PPP2R2C: variants seen among roughly 807,000 people sequenced by gnomAD.
PPP2R2C encodes protein phosphatase 2 regulatory subunit Bgamma, also known as protein phosphatase 2, regulatory subunit B, gamma.
PPP2R2C carries 10 observed loss-of-function variants against 45.3 expected under a neutral mutation model. The ratio of observed to expected loss-of-function variants is 0.22; its 90% CI spans 0.14 to 0.37. The LOEUF (loss-of-function observed/expected upper bound fraction) is 0.37. Among genes scored for constraint, PPP2R2C ranks in the 10% least tolerant of loss-of-function variants. The probability of loss-of-function intolerance (pLI) is 1.00; values close to 1 mark genes in which losing one functional copy is unlikely to be tolerated. For missense variants in PPP2R2C, 308 were observed against 619.7 expected (o/e 0.50, Z 5.34); for synonymous variants, 257 against 245.4 (o/e 1.05, Z -0.44).
At chr4:6,518,922 T>TTAAAA (rs1354788203) in intron 2 of PPP2R2C, among the ~76,000 whole-genome samples, 47 of 92,924 alleles carry the variant, frequency 5.1e-4, no homozygotes, top group African/African-American at 2.6e-3. Context: ...GACTCTGTCT[T>TTAAAA]AAAAAAAAAA....
At chr4:6,477,084 C>A (rs1406551280), upstream of PPP2R2C, among the ~76,000 whole-genome samples, 3 of 152,020 alleles carry the variant, frequency 2.0e-5, no homozygotes, top group Non-Finnish European at 4.4e-5. Context: ...GAGACCCCGT[C>A]TCTACTAAAA....
intron 1 of PPP2R2C, among the ~76,000 whole-genome samples, chr4:6,415,510 G>A (rs62284475): frequency 0.014 from 2,080 of 152,282 alleles, 27 homozygotes; most frequent in Middle Eastern, 0.031. Flanking sequence ...CAGAACCCAC[G>A]CTGATCCAGG....
chr4:6,403,860 C>T (rs1200877479), intron 1 of PPP2R2C, among the ~76,000 whole-genome samples: 11 of 99,726 alleles, frequency 1.1e-4, no homozygotes, highest in Non-Finnish European at 2.2e-4. Context: ...GAAACTCCGC[C>T]TCAGAAAAAA....
Position 6,347,931 on chromosome 4 carries a change from G to A in PPP2R2C, c.705C>T (p.Cys235=), listed in dbSNP as rs1446273968. ...TGCTGCTGCTGTAGACGAAGAGGTT[G>A]CAGTGGTGCGGATGGAACTCAGATG... ...ITASEFHPHH[C]NLFVYSSSKG... The change falls in exon 6 of 9, where the codon TGC becomes TGT. Residue 235 remains cysteine (C), a synonymous_variant. Transcript: ENST00000382599. 6 of 1,613,944 alleles carry A rather than the reference G, an allele frequency of 3.7e-6. No homozygotes were observed. The African/African-American group carries it at 5.3e-5, about 14-fold the overall frequency.
intron 1 of PPP2R2C, among the ~76,000 whole-genome samples, chr4:6,464,438 G>C (rs376883040): frequency 2.0e-5 from 3 of 152,176 alleles, no homozygotes; most frequent in African/African-American, 7.2e-5. Context: ...AAGACACTGG[G>C]AGAGGAGAGT....
chr4:6,531,172 C>T (rs778259016), intron 2 of PPP2R2C, among the ~76,000 whole-genome samples: 1 of 152,358 alleles, frequency 6.6e-6, no homozygotes, highest in South Asian at 2.1e-4. Context: ...CACCCTGAGA[C>T]AGCCGGCACC....
At chr4:6,430,381 C>T (rs1429359120) in intron 1 of PPP2R2C, among the ~76,000 whole-genome samples, 1 of 152,154 alleles carries the variant, frequency 6.6e-6, no homozygotes, top group Non-Finnish European at 1.5e-5. Context: ...CTCTGATCCA[C>T]CTGACTGCCT....
intron 2 of PPP2R2C, among the ~76,000 whole-genome samples, chr4:6,496,564 G>A (rs369495376): frequency 1.7e-4 from 26 of 152,172 alleles, no homozygotes; most frequent in African/African-American, 5.3e-4. Flanking sequence ...CCTTCTGTGC[G>A]TTAAAGTCTG....
intron 1 of PPP2R2C, among the ~76,000 whole-genome samples, chr4:6,389,944 G>C (rs1399827646): frequency 6.6e-6 from 1 of 152,148 alleles, no homozygotes; most frequent in Non-Finnish European, 1.5e-5. Flanking sequence ...TGGGGTCAGA[G>C]ATGGGAGGCT....
chr4:6,391,854 G>A (rs143864304), intron 1 of PPP2R2C, among the ~76,000 whole-genome samples: 45 of 152,312 alleles, frequency 3.0e-4, no homozygotes, highest in East Asian at 9.7e-4. Context: ...AAAGACCTGC[G>A]TTTGAATCCC....
intron 5 of PPP2R2C, among the ~76,000 whole-genome samples, chr4:6,366,788 T>A (rs1039103356): frequency 5.9e-5 from 9 of 151,910 alleles, no homozygotes; most frequent in African/African-American, 2.2e-4. Context: ...ACCCAGCAGC[T>A]GAAGGAGTGA....
chr4:6,452,883 G>A (rs768441916), intron 1 of PPP2R2C, among the ~76,000 whole-genome samples: 16 of 152,326 alleles, frequency 1.1e-4, no homozygotes, highest in Non-Finnish European at 2.4e-4. Context: ...TCTCGGCTCC[G>A]TGATCAGCAG....
intron 1 of PPP2R2C, among the ~76,000 whole-genome samples, chr4:6,554,941 A>AG (rs1491028554): frequency 7.9e-5 from 9 of 114,502 alleles, no homozygotes; most frequent in African/African-American, 2.9e-4. Flanking sequence ...GAAAGAAAGA[A>AG]AGAAAGAAAG....
chr4:6,524,312 A>G (rs893930819), intron 2 of PPP2R2C, among the ~76,000 whole-genome samples: 1 of 152,238 alleles, frequency 6.6e-6, no homozygotes, highest in South Asian at 2.1e-4. Flanking sequence ...AGTGAACTGC[A>G]TGATTCCATT....
intron 1 of PPP2R2C, among the ~76,000 whole-genome samples, chr4:6,539,944 C>T (rs191262560): frequency 3.3e-5 from 5 of 152,246 alleles, no homozygotes; most frequent in East Asian, 2.0e-4. Flanking sequence ...AAACTGGCCA[C>T]GTGGCCACCT....
intron 1 of PPP2R2C, among the ~76,000 whole-genome samples, chr4:6,397,831 A>G (rs1213243114): frequency 6.6e-6 from 1 of 152,254 alleles, no homozygotes; most frequent in African/African-American, 2.4e-5. Flanking sequence ...AAGACCTAGA[A>G]TAGCCAAAAT....
intron 2 of PPP2R2C, among the ~76,000 whole-genome samples, chr4:6,527,824 G>A (rs913409864): frequency 6.6e-6 from 1 of 152,124 alleles, no homozygotes; most frequent in East Asian, 1.9e-4. Flanking sequence ...ATGGCCACCC[G>A]AGAAGTGACC....
chr4:6,453,043 A>G (rs1161879567), intron 1 of PPP2R2C, among the ~76,000 whole-genome samples: 3 of 152,200 alleles, frequency 2.0e-5, no homozygotes, highest in Admixed American at 1.3e-4. Flanking sequence ...GAGAGCCAGG[A>G]TGGATGCGTG....
intron 1 of PPP2R2C, among the ~76,000 whole-genome samples, chr4:6,414,237 C>T (rs1393204133): frequency 6.6e-6 from 1 of 152,000 alleles, no homozygotes; most frequent in East Asian, 1.9e-4. Context: ...GTAAGTTCAT[C>T]AGAGGCCAGG....
Sources: gnomAD v4.1 joint callset for allele counts (sites outside exome capture counted in the v4.1 genomes callset) on GRCh38, gnomAD v4.1.1 for gene constraint, MANE v1.5 for transcripts, NCBI Gene and HGNC (gene_info 2026-07-23, HGNC 2026-07-21) for gene names.